Variants in SLC7A11 observed in about 807,000 individuals in gnomAD.
The protein encoded by SLC7A11 is solute carrier family 7 member 11.
A neutral mutation model predicts 54.5 loss-of-function variants in SLC7A11; 35 were observed. The ratio of observed to expected loss-of-function variants is 0.64; its 90% CI spans 0.49 to 0.85. SLC7A11 has a LOEUF of 0.85. Among genes scored for constraint, SLC7A11 ranks in the 40% least tolerant of loss-of-function variants. SLC7A11 has a pLI of 0.00. For missense variants in SLC7A11, 583 were observed against 618.1 expected (o/e 0.94, Z 0.60); for synonymous variants, 230 against 225.2 (o/e 1.02, Z -0.19).
At chr4:138,180,483 A>C (rs1258338990) in intron 10 of SLC7A11, among the ~76,000 whole-genome samples, 158 bp downstream of exon 10, 1 of 152,008 alleles carries the variant, frequency 6.6e-6, no homozygotes, top group Non-Finnish European at 1.5e-5. Context: ...TCCAACTTAA[A>C]ATAAATCCAA....
At chr4:138,217,685 G>A (rs1247226220) in intron 5 of SLC7A11, among the ~76,000 whole-genome samples, 1 of 152,156 alleles carries the variant, frequency 6.6e-6, no homozygotes, top group Non-Finnish European at 1.5e-5. Context: ...TTCCACACTC[G>A]TGGTTGCATA....
chr4:138,173,600 C>G (rs1736492147), intron 11 of SLC7A11, among the ~76,000 whole-genome samples: 1 of 151,628 alleles, frequency 6.6e-6, no homozygotes, highest in African/African-American at 2.4e-5. Context: ...CACCATTACA[C>G]TCCAGCGTGG....
chr4:138,182,069 ATGAAAG>A (rs1000404498), intron 9 of SLC7A11, among the ~76,000 whole-genome samples: 1 of 152,072 alleles, frequency 6.6e-6, no homozygotes, highest in Non-Finnish European at 1.5e-5. Flanking sequence ...TTCTGCAAAG[ATGAAAG>A]TGAGGTGATG....
In SLC7A11 at chr4:138,168,711, C is replaced by T. The variant is rs1322357802; in HGVS notation, c.*3245G>A. The T allele has an allele frequency of 1.3e-5, 2 of 152,100 alleles. No homozygotes were observed. The highest frequency in any genetic ancestry group is 2.9e-5 in the Non-Finnish European group (2 of 68,016). The allele number at this position is 152,100 out of a possible 1,614,324, so 9.4% of individuals were successfully genotyped here. A position where few individuals can be genotyped will look rare whatever the true frequency, so the allele number is the denominator to read the frequency against. ...CTAATAAGCTGTCCAAATTTTGTGT[C>T]CACAGGGCTGAGGAGCTACAGTCTA... On this transcript the variant is annotated 3_prime_UTR_variant, in exon 12 of 12. Coordinates refer to ENST00000280612, the MANE Select transcript of SLC7A11 (RefSeq NM_014331.4).
intron 11 of SLC7A11, chr4:138,176,719 A>G (rs942209281): frequency 6.6e-6 from 1 of 152,134 alleles, no homozygotes; most frequent in African/African-American, 2.4e-5. Flanking sequence ...TTCTTCCTCA[A>G]TTCTCTTAAT....
intron 3 of SLC7A11, among the ~76,000 whole-genome samples, chr4:138,223,724 T>C (rs1737874011): frequency 6.6e-6 from 1 of 152,148 alleles, no homozygotes; most frequent in Non-Finnish European, 1.5e-5. Context: ...CCTGTCTCTA[T>C]GATGGTATGC....
At chr4:138,180,576 G>A in intron 10 of SLC7A11, 65 bp downstream of exon 10, 2 of 1,515,492 alleles carry the variant, frequency 1.3e-6, no homozygotes, top group Non-Finnish European at 1.8e-6. Context: ...AGCAAGTTAT[G>A]ACAAAGGGAG....
intron 3 of SLC7A11, among the ~76,000 whole-genome samples, chr4:138,229,624 G>T (rs551076929): frequency 3.9e-5 from 6 of 152,236 alleles, no homozygotes; most frequent in African/African-American, 1.4e-4. Context: ...CCCCAATATG[G>T]TTATCCTTTC....
intron 11 of SLC7A11, among the ~76,000 whole-genome samples, chr4:138,173,907 C>T (rs1736501437): frequency 6.6e-6 from 1 of 152,016 alleles, no homozygotes; most frequent in Admixed American, 6.6e-5. Context: ...TAAAAATAGG[C>T]ATTTGTGGGA....
intron 1 of SLC7A11, among the ~76,000 whole-genome samples, chr4:138,237,735 ATATTTTTTTTTTTTTTTTTTT>A (rs1384314359): frequency 2.5e-3 from 23 of 9,212 alleles, no homozygotes; most frequent in African/African-American, 9.9e-3. Flanking sequence ...ATATATATAT[ATATTTTTTTTTTTTTTTTTTT>A]TTTTTTTTTT....
intron 9 of SLC7A11, among the ~76,000 whole-genome samples, chr4:138,181,566 G>C (rs1215286999): frequency 1.3e-5 from 2 of 151,998 alleles, no homozygotes; most frequent in African/African-American, 4.8e-5. Context: ...GAAACGTTCT[G>C]AAACAAATTA....
At chr4:138,175,171 T>A (rs1736539001) in intron 11 of SLC7A11, among the ~76,000 whole-genome samples, 1 of 152,206 alleles carries the variant, frequency 6.6e-6, no homozygotes, top group Non-Finnish European at 1.5e-5. Context: ...TGTCAGTGAT[T>A]TAACATAAAT....
chr4:138,180,927 G>A, intron 9 of SLC7A11, 137 bp from the exon 10 acceptor site: 1 of 804,262 alleles, frequency 1.2e-6, no homozygotes, highest in Non-Finnish European at 1.9e-6. Flanking sequence ...TTAAAACTTG[G>A]ATTTGACTAA....
chr4:138,195,198 T>C (rs771242402), intron 6 of SLC7A11, among the ~76,000 whole-genome samples: 1 of 152,174 alleles, frequency 6.6e-6, no homozygotes, highest in Non-Finnish European at 1.5e-5. Flanking sequence ...AAAAAGGCTG[T>C]CTGTGGGATC....
chr4:138,175,024 A>C (rs948729950), intron 11 of SLC7A11, among the ~76,000 whole-genome samples: 1 of 152,178 alleles, frequency 6.6e-6, no homozygotes, highest in Non-Finnish European at 1.5e-5. Flanking sequence ...TAAGGCTACA[A>C]ATATTTTCAC....
intron 6 of SLC7A11, among the ~76,000 whole-genome samples, chr4:138,194,718 GAA>G (rs1327421356): frequency 3.3e-5 from 5 of 152,108 alleles, no homozygotes; most frequent in African/African-American, 9.7e-5. Context: ...CAGAATTATG[GAA>G]AAGTCTGGGT....
chr4:138,225,138 C>CTACATATA (rs1265585591), intron 3 of SLC7A11, among the ~76,000 whole-genome samples: 7 of 118,342 alleles, frequency 5.9e-5, no homozygotes, highest in African/African-American at 2.1e-4. Context: ...AATAATTTCA[C>CTACATATA]TATATATATA....
rs753100754 is a variant in SLC7A11 at position 138,169,291 on chromosome 4, C to T, written c.*2665G>A. 6.6e-6 allele frequency: 1 copy of T among 151,890 alleles called. No homozygotes were observed. The highest frequency in any genetic ancestry group is 1.5e-5 in the Non-Finnish European group (1 of 67,958). 9.4% of individuals were successfully genotyped at this position (151,890 alleles called of 1,614,324 possible). A position where few individuals can be genotyped will look rare whatever the true frequency, so the allele number is the denominator to read the frequency against. On this transcript the variant is annotated 3_prime_UTR_variant, in exon 12 of 12. Transcript: ENST00000280612. ...TTTTGAGAATCTGCTTTACATACTG[C>T]AATTTTGAGTGAAAATTATGGATAT...
intron 3 of SLC7A11, among the ~76,000 whole-genome samples, chr4:138,225,953 A>G (rs1455543581): frequency 6.6e-6 from 1 of 152,096 alleles, no homozygotes; most frequent in South Asian, 2.1e-4. Flanking sequence ...TTATTTTTGG[A>G]ACAACTAACT....
Sources: gnomAD v4.1 joint callset for allele counts (sites outside exome capture counted in the v4.1 genomes callset) on GRCh38, gnomAD v4.1.1 for gene constraint, MANE v1.5 for transcripts, NCBI Gene and HGNC (gene_info 2026-07-23, HGNC 2026-07-21) for gene names.